Variants in PDE12 observed in about 807,000 individuals in gnomAD.
The protein encoded by PDE12 is 2',5'-phosphodiesterase 12.
In PDE12, 26 loss-of-function variants were observed where a neutral mutation model predicts 45.4. The ratio of observed to expected loss-of-function variants is 0.57; its 90% CI spans 0.42 to 0.79. PDE12 has a LOEUF of 0.79. Among genes scored for constraint, PDE12 ranks in the 30% least tolerant of loss-of-function variants. PDE12 has a pLI of 0.00. For synonymous variants in PDE12, 283 were observed against 323.9 expected (o/e 0.87, Z 1.36); for missense variants, 668 against 790.0 (o/e 0.85, Z 1.85).
chr3:57,556,711 CG>C lies in PDE12; in HGVS notation c.336del (p.Pro113LeufsTer11). 1 of 1,596,266 alleles carries C rather than the reference CG, an allele frequency of 6.3e-7. No individual in the cohort carries two copies. The highest frequency in any genetic ancestry group is 8.6e-7 in the Non-Finnish European group (1 of 1,168,480). ...NASGGAACSG[P>X]GPEPAVFCEP... The stretch of plus-strand genomic sequence containing the variant: ...AGCGGCGGTGCGGCCTGTTCAGGGC[CG>C]GGGCCTGAGCCGGCTGTGTTCTGCG... On this transcript the variant is annotated frameshift_variant, in exon 1 of 3. Transcript: ENST00000311180. LOFTEE classifies it high-confidence loss of function. The surrounding 1 kb of genome is among the most constrained non-coding windows in gnomAD (Gnocchi z 5.0).
At chr3:57,576,468 T>A in the PDE12 span, among the ~76,000 whole-genome samples, 2 of 151,618 alleles carry the variant, frequency 1.3e-5, no homozygotes, top group Non-Finnish European at 2.9e-5. Context: ...TTAAAAAGGA[T>A]GACATTTATA....
the PDE12 span, among the ~76,000 whole-genome samples, chr3:57,608,497 CAT>C: frequency 6.6e-6 from 1 of 151,936 alleles, no homozygotes; most frequent in East Asian, 1.9e-4. Context: ...AGACCCATCT[CAT>C]GTGCAGAGAC....
chr3:57,570,224 T>G (rs574756053), downstream of PDE12, among the ~76,000 whole-genome samples: 2 of 140,972 alleles, frequency 1.4e-5, no homozygotes, highest in Non-Finnish European at 3.1e-5. Context: ...CCAGTGTTTT[T>G]TTTTTTTTTT....
At chr3:57,647,563 A>G in the PDE12 span, among the ~76,000 whole-genome samples, 4 of 152,208 alleles carry the variant, frequency 2.6e-5, no homozygotes, top group Non-Finnish European at 5.9e-5. Context: ...CACAGAGCCC[A>G]GGAAGCACAG....
chr3:57,634,023 T>TC, the PDE12 span, among the ~76,000 whole-genome samples: 1 of 152,156 alleles, frequency 6.6e-6, no homozygotes, highest in Non-Finnish European at 1.5e-5. Context: ...TATGGCTTTT[T>TC]CACTATAATT....
the PDE12 span, among the ~76,000 whole-genome samples, chr3:57,645,402 A>C: frequency 5.2e-4 from 79 of 152,324 alleles, no homozygotes; most frequent in Middle Eastern, 0.031. Context: ...CAGAGGTTGC[A>C]GTGAGCCGAG....
the PDE12 span, chr3:57,646,544 G>A: frequency 7.1e-7 from 1 of 1,404,452 alleles, no homozygotes; most frequent in East Asian, 2.6e-5. Context: ...AATTCTTCCT[G>A]CTATTTGTAT....
the PDE12 span, among the ~76,000 whole-genome samples, chr3:57,645,989 T>C: frequency 3.3e-5 from 5 of 152,228 alleles, no homozygotes; most frequent in Non-Finnish European, 5.9e-5. Flanking sequence ...CTGGCTCTAC[T>C]GTTCACTAGC....
chr3:57,575,456 G>A, the PDE12 span: 1 of 1,272,052 alleles, frequency 7.9e-7, no homozygotes, highest in Middle Eastern at 2.2e-4. Context: ...GTCCAAAGGA[G>A]ATAATAAATG....
chr3:57,606,445 T>C, the PDE12 span, among the ~76,000 whole-genome samples: 1 of 152,176 alleles, frequency 6.6e-6, no homozygotes, highest in Non-Finnish European at 1.5e-5. Context: ...TTGAAAGAAT[T>C]CCTTGACAGT....
At chr3:57,628,793 G>A in the PDE12 span, 2 of 1,605,010 alleles carry the variant, frequency 1.2e-6, no homozygotes, top group Non-Finnish European at 1.7e-6. Context: ...TTAATCTTTG[G>A]CTGTTTTGGC....
chr3:57,577,210 C>A, the PDE12 span: 2 of 889,698 alleles, frequency 2.2e-6, no homozygotes, highest in East Asian at 2.4e-5. Flanking sequence ...CTAGCCCCCC[C>A]AATCCATTTG....
chr3:57,602,592 C>T, the PDE12 span, among the ~76,000 whole-genome samples: 1 of 152,040 alleles, frequency 6.6e-6, no homozygotes, highest in Non-Finnish European at 1.5e-5. Flanking sequence ...GTTTTTTGAG[C>T]CAGAGTCTCG....
chr3:57,606,531 G>A, the PDE12 span, among the ~76,000 whole-genome samples: 4 of 152,230 alleles, frequency 2.6e-5, no homozygotes, highest in South Asian at 8.3e-4. Context: ...TCTATCCAAC[G>A]AAATAGCATG....
the PDE12 span, chr3:57,626,980 A>T: frequency 1.3e-5 from 2 of 152,192 alleles, no homozygotes; most frequent in Admixed American, 6.5e-5. Flanking sequence ...CAATCTTATC[A>T]TCACTCAAAT....
the PDE12 span, among the ~76,000 whole-genome samples, chr3:57,636,261 T>C: frequency 6.6e-6 from 1 of 152,138 alleles, no homozygotes; most frequent in South Asian, 2.1e-4. Context: ...ATACAGTCTA[T>C]AAAGGAAAGA....
chr3:57,653,542 G>A, the PDE12 span, among the ~76,000 whole-genome samples: 1 of 151,822 alleles, frequency 6.6e-6, no homozygotes, highest in African/African-American at 2.4e-5. Flanking sequence ...TCAGGAGATC[G>A]AGACCATCCT....
the PDE12 span, among the ~76,000 whole-genome samples, chr3:57,607,358 C>T: frequency 6.6e-6 from 1 of 152,154 alleles, no homozygotes; most frequent in Non-Finnish European, 1.5e-5. Context: ...AGGAACGCAG[C>T]TCCTCACCAG....
At chr3:57,575,735 T>A in the PDE12 span, 1 of 1,521,076 alleles carries the variant, frequency 6.6e-7, no homozygotes, top group Admixed American at 2.1e-5. Flanking sequence ...GAAAATGTCT[T>A]CCTATATATA....
Sources: gnomAD v4.1 joint callset for allele counts (sites outside exome capture counted in the v4.1 genomes callset) on GRCh38, gnomAD v4.1.1 for gene constraint, Gnocchi (gnomAD v3.1) non-coding constraint, MANE v1.5 for transcripts, NCBI Gene and HGNC (gene_info 2026-07-23, HGNC 2026-07-21) for gene names.